Variants in NPAS3 observed in about 807,000 individuals in gnomAD.
NPAS3 encodes neuronal PAS domain protein 3.
NPAS3 carries 14 observed loss-of-function variants against 73.1 expected under a neutral mutation model. The observed-to-expected ratio is 0.19, with a 90% CI of 0.13 to 0.30. NPAS3 has a LOEUF of 0.30. NPAS3 is among the 10% of genes least tolerant of loss of function. The pLI is 1.00. For missense variants in NPAS3, 1,096 were observed against 1,250.0 expected, an observed-to-expected ratio of 0.88 and a Z score of 1.86; for synonymous variants, 620 against 541.5, an observed-to-expected ratio of 1.14 and a Z score of -2.01.
chr14:33,522,840 C>T (rs542213210), intron 4 of NPAS3, among the ~76,000 whole-genome samples: 67 of 152,154 alleles, frequency 4.4e-4, no homozygotes, highest in Middle Eastern at 3.4e-3. Context: ...ATGGTGCTTG[C>T]GGTGTGGAGA....
chr14:33,123,782 C>A (rs1199693712), intron 2 of NPAS3, among the ~76,000 whole-genome samples: 1 of 151,796 alleles, frequency 6.6e-6, no homozygotes, highest in Non-Finnish European at 1.5e-5. Flanking sequence ...TTTTTGGCAG[C>A]CTTAAAATCA....
chr14:33,005,942 A>C (rs540084735), intron 1 of NPAS3, among the ~76,000 whole-genome samples: 1 of 152,218 alleles, frequency 6.6e-6, no homozygotes, highest in Admixed American at 6.5e-5. Flanking sequence ...CCTAACACTT[A>C]ACCCTCAACA....
chr14:32,964,341 CCAAGG>C (rs755558977), intron 1 of NPAS3, among the ~76,000 whole-genome samples: 15 of 152,104 alleles, frequency 9.9e-5, no homozygotes, highest in Non-Finnish European at 1.9e-4. Context: ...AAGTAAATTA[CCAAGG>C]TCATATAACT....
intron 4 of NPAS3, among the ~76,000 whole-genome samples, chr14:33,413,998 T>A (rs999641102): frequency 1.3e-5 from 2 of 152,178 alleles, no homozygotes; most frequent in Non-Finnish European, 2.9e-5. Flanking sequence ...AGCCTTCCTC[T>A]TTTGATGGTT....
At chr14:33,247,312 C>T (rs919475205) in intron 3 of NPAS3, among the ~76,000 whole-genome samples, 4 of 152,200 alleles carry the variant, frequency 2.6e-5, no homozygotes, top group African/African-American at 9.7e-5. Flanking sequence ...GGGAAACCAG[C>T]TAAGCCTTTC....
At chr14:32,974,243 C>T (rs1014817839) in intron 1 of NPAS3, among the ~76,000 whole-genome samples, 1 of 152,134 alleles carries the variant, frequency 6.6e-6, no homozygotes, top group African/African-American at 2.4e-5. Context: ...GATTGCTAGT[C>T]ACTGTGCTGA....
intron 4 of NPAS3, among the ~76,000 whole-genome samples, chr14:33,456,150 C>G (rs2050012580): frequency 6.6e-6 from 1 of 152,188 alleles, no homozygotes; most frequent in Admixed American, 6.5e-5. Flanking sequence ...GATATGGCTT[C>G]CATCTGGAAT....
At chr14:33,395,409 T>G (rs903093978) in intron 4 of NPAS3, among the ~76,000 whole-genome samples, 17 of 151,858 alleles carry the variant, frequency 1.1e-4, no homozygotes, top group African/African-American at 3.4e-4. Context: ...AGTTCAAGTT[T>G]TTTTTTTACC....
At chr14:33,345,797 C>T (rs1411116463) in intron 3 of NPAS3, among the ~76,000 whole-genome samples, 1 of 152,206 alleles carries the variant, frequency 6.6e-6, no homozygotes, top group African/African-American at 2.4e-5. Flanking sequence ...TTTCGCATAT[C>T]AGCTAAGTAC....
At chr14:33,580,772 TC>T (rs1286217284) in intron 5 of NPAS3, among the ~76,000 whole-genome samples, 4 of 151,960 alleles carry the variant, frequency 2.6e-5, no homozygotes, top group Admixed American at 6.6e-5. Context: ...ACTTTGTTGG[TC>T]CCCCTCCCAC....
chr14:33,745,387 G>A (rs2061762308), intron 7 of NPAS3, among the ~76,000 whole-genome samples: 1 of 152,220 alleles, frequency 6.6e-6, no homozygotes, highest in Non-Finnish European at 1.5e-5. Flanking sequence ...ACATCAGACA[G>A]CTGAGGATTT....
At chr14:32,968,941 T>A (rs2037307372) in intron 1 of NPAS3, among the ~76,000 whole-genome samples, 1 of 152,140 alleles carries the variant, frequency 6.6e-6, no homozygotes, top group Non-Finnish European at 1.5e-5. Flanking sequence ...TCCCTCTTCG[T>A]TGACAGGCCT....
intron 7 of NPAS3, among the ~76,000 whole-genome samples, chr14:33,749,645 C>T (rs1472635895): frequency 1.3e-5 from 2 of 152,082 alleles, no homozygotes; most frequent in Admixed American, 1.3e-4. Context: ...ACCCCAAGCC[C>T]CTTGGCACAG....
intron 3 of NPAS3, among the ~76,000 whole-genome samples, chr14:33,357,412 C>A (rs995534766): frequency 2.0e-5 from 3 of 152,162 alleles, no homozygotes; most frequent in Non-Finnish European, 4.4e-5. Context: ...TGGTGTGAGG[C>A]CCTGATTGCA....
chr14:33,256,027 TA>T (rs529679316), intron 3 of NPAS3, among the ~76,000 whole-genome samples: 19 of 152,274 alleles, frequency 1.2e-4, no homozygotes, highest in Non-Finnish European at 2.2e-4. Context: ...AAATTACTCA[TA>T]AAAAAATTTC....
chr14:33,481,930 G>A (rs750689591), intron 4 of NPAS3, among the ~76,000 whole-genome samples: 16 of 151,612 alleles, frequency 1.1e-4, no homozygotes, highest in Non-Finnish European at 1.9e-4. Flanking sequence ...GGCAAGAAAA[G>A]AAATTTAAAA....
At chr14:33,176,451 C>T (rs1367317218) in intron 2 of NPAS3, among the ~76,000 whole-genome samples, 1 of 152,194 alleles carries the variant, frequency 6.6e-6, no homozygotes, top group East Asian at 1.9e-4. Flanking sequence ...CTAGTTATTT[C>T]ACATAAGTGG....
In NPAS3 at chr14:33,727,172, G is replaced by T. The variant is rs530392090; in HGVS notation, c.734-8042G>T. On this transcript the variant is annotated intron_variant, in intron 6 of 11. Coordinates refer to ENST00000356141, the Ensembl canonical transcript of NPAS3. ...AGAATGTTAAAAAAATAAACATGGC[G>T]GTTCAGCTGGATACTGGCAACCAGC... 6.0e-5 allele frequency among the ~76,000 whole-genome samples: 9 copies of T among 149,292 alleles called. No homozygotes were observed. The East Asian group carries it at 1.6e-3, about 27-fold the overall frequency.
chr14:33,684,392 A>C (rs1595435283), intron 6 of NPAS3, among the ~76,000 whole-genome samples: 2 of 151,668 alleles, frequency 1.3e-5, no homozygotes, highest in African/African-American at 4.8e-5. Flanking sequence ...GCTCACTACA[A>C]CCTCCATCTC....
Sources: gnomAD v4.1 joint callset for allele counts (sites outside exome capture counted in the v4.1 genomes callset) on GRCh38, gnomAD v4.1.1 for gene constraint, MANE v1.5 for transcripts, NCBI Gene and HGNC (gene_info 2026-07-23, HGNC 2026-07-21) for gene names.